The following COG5 variants were observed in gnomAD, a reference collection of about 807,000 sequenced individuals.
COG5 encodes the protein component of oligomeric golgi complex 5.
A neutral mutation model predicts 110.4 loss-of-function variants in COG5; 86 were observed. The observed-to-expected ratio is 0.78, with a 90% confidence interval of 0.65 to 0.93. COG5 has a LOEUF of 0.93. Ranked by LOEUF, COG5 falls within the 40% of genes least tolerant of loss-of-function variation. The pLI, the probability that COG5 is intolerant of heterozygous loss-of-function variation, is 0.00. For synonymous variants in COG5, 360 were observed against 334.6 expected, an observed-to-expected ratio of 1.08 and a Z score of -0.83; for missense variants, 1,077 against 987.0, an observed-to-expected ratio of 1.09 and a Z score of -1.22.
At chr7:107,361,989 G>T in intron 10 of COG5, 44 bp downstream of exon 10, 2 of 1,348,156 alleles carry the variant, frequency 1.5e-6, no homozygotes, top group Non-Finnish European at 2.1e-6. Flanking sequence ...ATATATTCCT[G>T]TTTTGTACAA....
intron 12 of COG5, among the ~76,000 whole-genome samples, chr7:107,285,543 C>T (rs893514879): frequency 2.6e-5 from 4 of 152,158 alleles, no homozygotes; most frequent in African/African-American, 9.7e-5. Context: ...TTTGAGTCAT[C>T]ACTTTGAACT....
chr7:107,404,745 G>A (rs1386329288), intron 7 of COG5, among the ~76,000 whole-genome samples: 1 of 151,962 alleles, frequency 6.6e-6, no homozygotes, highest in African/African-American at 2.4e-5. Context: ...ATAAAAAATA[G>A]GATCTAGAGC....
At chr7:107,367,650 C>T (rs955589146) in intron 8 of COG5, among the ~76,000 whole-genome samples, 4 of 151,930 alleles carry the variant, frequency 2.6e-5, no homozygotes, top group African/African-American at 9.7e-5. Context: ...TTGGATGGAA[C>T]AAGTGGCCAT....
intron 13 of COG5, 38 bp downstream of exon 13, chr7:107,283,533 G>T (rs370035414): frequency 6.4e-7 from 1 of 1,559,194 alleles, no homozygotes; most frequent in African/African-American, 1.4e-5. Flanking sequence ...AAATATGGCA[G>T]TCATCTTATG....
At chr7:107,226,066 A>C (rs1424776032) in intron 19 of COG5, among the ~76,000 whole-genome samples, 1 of 152,122 alleles carries the variant, frequency 6.6e-6, no homozygotes, top group Non-Finnish European at 1.5e-5. Flanking sequence ...AAACAATAAA[A>C]AAAATAGTAG....
At chr7:107,299,257 A>G (rs1285079951) in intron 11 of COG5, among the ~76,000 whole-genome samples, 1 of 152,160 alleles carries the variant, frequency 6.6e-6, no homozygotes, top group Non-Finnish European at 1.5e-5. Context: ...TGAAAAGATA[A>G]GTAAAATTGC....
intron 6 of COG5, among the ~76,000 whole-genome samples, chr7:107,444,949 A>G (rs1162756726): frequency 6.6e-6 from 1 of 152,168 alleles, no homozygotes; most frequent in Non-Finnish European, 1.5e-5. Flanking sequence ...GCACTTTGGG[A>G]GGCCAAGGCG....
intron 6 of COG5, among the ~76,000 whole-genome samples, chr7:107,470,919 T>C (rs1376180572): frequency 2.6e-5 from 4 of 151,896 alleles, no homozygotes; most frequent in Admixed American, 2.6e-4. Flanking sequence ...TTATAGTATC[T>C]TATGAAATCT....
At chr7:107,208,307 T>C (rs1049491242) in intron 21 of COG5, 10 of 985,310 alleles carry the variant, frequency 1.0e-5, no homozygotes, top group African/African-American at 7.0e-5. Context: ...TTGCTAAATA[T>C]AGGCTTAGCA....
chr7:107,558,082 T>C lies in COG5; in HGVS notation c.128A>G (p.Asp43Gly). Residue 43 changes from aspartate to glycine, a missense_variant, in exon 2 of 22, where the codon GAT becomes GGT. Transcript: ENST00000297135. ...CYSDFLNEDFDVKTYTSQSIH... is the reference protein window; with the variant it reads ...CYSDFLNEDFGVKTYTSQSIH... The stretch of plus-strand genomic sequence containing the variant: ...AGATTGAGAAGTATAAGTCTTTACA[T>C]CAAAGTCTTCGTTTAAAAAGTCACT... 1 of 1,613,890 alleles carries C rather than the reference T, an allele frequency of 6.2e-7. No individual in the cohort carries two copies. The highest frequency in any genetic ancestry group is 1.3e-5 in the African/African-American group (1 of 75,034).
chr7:107,516,528 T>C (rs1436113132), intron 6 of COG5, among the ~76,000 whole-genome samples: 2 of 152,256 alleles, frequency 1.3e-5, no homozygotes, highest in Non-Finnish European at 2.9e-5. Context: ...TAAGAATCAC[T>C]GTCTAATTCA....
At chr7:107,540,842 G>C (rs1418280970) in intron 5 of COG5, among the ~76,000 whole-genome samples, 1 of 151,826 alleles carries the variant, frequency 6.6e-6, no homozygotes, top group Non-Finnish European at 1.5e-5. Flanking sequence ...AAATAATAAA[G>C]AATTAAATGT....
chr7:107,257,383 T>G (rs1467052257), intron 15 of COG5, among the ~76,000 whole-genome samples: 1 of 152,112 alleles, frequency 6.6e-6, no homozygotes. Flanking sequence ...CTCTTTAACA[T>G]GTATTTTGTT....
chr7:107,287,436 GAC>G (rs1805733760), intron 12 of COG5, among the ~76,000 whole-genome samples: 1 of 152,098 alleles, frequency 6.6e-6, no homozygotes, highest in South Asian at 2.1e-4. Flanking sequence ...GCCAGGCTTT[GAC>G]ACAAGTGACT....
intron 5 of COG5, among the ~76,000 whole-genome samples, chr7:107,540,984 C>G (rs1801939210): frequency 6.6e-6 from 1 of 151,816 alleles, no homozygotes; most frequent in South Asian, 2.1e-4. Flanking sequence ...AACCCCATCT[C>G]TACTCAAAAT....
intron 6 of COG5, chr7:107,473,930 AT>A (rs1254618076): frequency 4.0e-6 from 2 of 506,268 alleles, no homozygotes; most frequent in Non-Finnish European, 6.8e-6. Flanking sequence ...AAACTTAAAA[AT>A]TAAACTAAGT....
chr7:107,547,518 T>G (rs570457027), intron 5 of COG5, among the ~76,000 whole-genome samples: 2 of 152,322 alleles, frequency 1.3e-5, no homozygotes, highest in East Asian at 3.9e-4. Flanking sequence ...CTGGAAGTCC[T>G]GGCCAGAGCC....
At chr7:107,262,891 C>T (rs1253900505) in intron 14 of COG5, among the ~76,000 whole-genome samples, 1 of 152,100 alleles carries the variant, frequency 6.6e-6, no homozygotes, top group Non-Finnish European at 1.5e-5. Context: ...CAGTTTATAC[C>T]AAAGTATGCT....
rs1798418824 is a variant in COG5 at position 107,202,632 on chromosome 7, T to C, written c.*884A>G. 1 of 152,280 alleles carries C rather than the reference T, an allele frequency of 6.6e-6. No homozygotes were observed. Among genetic ancestry groups the C allele is most frequent in the Non-Finnish European group, 1.5e-5 (1 of 68,032 alleles). The allele number at this position is 152,280 out of a possible 1,614,324, so 9.4% of individuals were successfully genotyped here. A position where few individuals can be genotyped will look rare whatever the true frequency, so the allele number is the denominator to read the frequency against. ...GATGAGATGGAAAACATAAGGCAAA[T>C]TCCTAACACTGCTAATTAGGAGGCT... is the stretch of plus-strand genomic sequence containing the variant. On this transcript the variant is annotated 3_prime_UTR_variant, in exon 22 of 22. Coordinates refer to ENST00000297135, the MANE Select transcript of COG5 (RefSeq NM_006348.5).
Sources: gnomAD v4.1 joint callset for allele counts (sites outside exome capture counted in the v4.1 genomes callset) on GRCh38, gnomAD v4.1.1 for gene constraint, MANE v1.5 for transcripts, NCBI Gene and HGNC (gene_info 2026-07-23, HGNC 2026-07-21) for gene names.